Variants in HLCS observed in about 807,000 individuals in gnomAD.
The protein encoded by HLCS is biotin--protein ligase.
A neutral mutation model predicts 75.0 loss-of-function variants in HLCS; 53 were observed. The observed-to-expected ratio is 0.71, with a 90% confidence interval of 0.57 to 0.89. The LOEUF (loss-of-function observed/expected upper bound fraction) is 0.89, where lower values mean the gene tolerates loss of function less well. HLCS is among the 40% of genes least tolerant of loss of function. The probability of loss-of-function intolerance (pLI) is 0.00; values close to 1 mark genes in which losing one functional copy is unlikely to be tolerated. For synonymous variants in HLCS, 431 were observed against 428.6 expected (o/e 1.01, Z -0.07); for missense variants, 966 against 1,074.0 (o/e 0.90, Z 1.41).
chr21:36,982,171 C>T (rs2069135397), intron 1 of HLCS, among the ~76,000 whole-genome samples: 2 of 152,144 alleles, frequency 1.3e-5, no homozygotes, highest in South Asian at 4.1e-4. Flanking sequence ...TACAATTTCG[C>T]AAAGCTGCAT....
At chr21:36,866,435 G>A (rs2146209659) in intron 6 of HLCS, among the ~76,000 whole-genome samples, 1 of 152,272 alleles carries the variant, frequency 6.6e-6, no homozygotes, top group Non-Finnish European at 1.5e-5. Context: ...TGTACAATGT[G>A]GCGTAAAAGA....
intron 8 of HLCS, 144 bp from the exon 9 acceptor site, chr21:36,759,985 G>T: frequency 1.4e-6 from 1 of 706,900 alleles, no homozygotes. Context: ...TCACTTCTTT[G>T]GGACAATCCG....
chr21:36,919,712 A>G (rs150330912), intron 5 of HLCS, among the ~76,000 whole-genome samples: 1 of 152,370 alleles, frequency 6.6e-6, no homozygotes, highest in Non-Finnish European at 1.5e-5. Flanking sequence ...GATAATTCTT[A>G]AATTAACAGT....
rs372156325 is a variant in HLCS, at chr21:36,787,389, T to C, written c.1893-20104A>G. Among the ~76,000 whole-genome samples, 5 of 152,354 alleles carry C rather than the reference T, an allele frequency of 3.3e-5. No individual in the cohort carries two copies. In the East Asian group the frequency reaches 9.6e-4, roughly 29 times the overall value. ...CAGCCAGGAGGCACAGAAGACCCCA[T>C]GGAGGCACTTGGCTGGTTAAGACCC... On this transcript the variant is annotated intron_variant, in intron 6 of 10. Transcript: ENST00000674895.
Position 36,966,437 on chromosome 21 carries a change from C to CCCCCCCCCCCGGGGTGGGGG in HLCS, c.195+6_195+7insCCCCCACCCCGGGGGGGGGG. 1.1e-6 allele frequency: 1 copy of CCCCCCCCCCCGGGGTGGGGG among 931,938 alleles called. No homozygotes were observed. Among genetic ancestry groups the CCCCCCCCCCCGGGGTGGGGG allele is most frequent in the Non-Finnish European group, 1.3e-6 (1 of 781,732 alleles). The allele number at this position is 931,938 out of a possible 1,614,324, so 57.7% of individuals were successfully genotyped here. ...GCCCGGGTCGCCCGCCCGCCCGACCCGCCCACCTGGCTGTCGCTGACGCAG... is the reference window on the plus strand; with the variant it reads ...GCCCGGGTCGCCCGCCCGCCCGACCCCCCCCCCCCCGGGGTGGGGGGCCCACCTGGCTGTCGCTGACGCAG... On this transcript the variant is annotated splice_region_variant and intron_variant, in intron 1 of 10. Coordinates refer to ENST00000674895, the MANE Select transcript of HLCS (RefSeq NM_001352514.2).
chr21:36,787,733 G>C (rs2060733559), intron 6 of HLCS, among the ~76,000 whole-genome samples: 1 of 152,170 alleles, frequency 6.6e-6, no homozygotes, highest in Non-Finnish European at 1.5e-5. Context: ...TACAGAAAGA[G>C]AACTCAGCTC....
intron 6 of HLCS, among the ~76,000 whole-genome samples, chr21:36,780,773 C>T (rs910918595): frequency 2.2e-4 from 33 of 152,218 alleles, no homozygotes; most frequent in Admixed American, 9.2e-4. Flanking sequence ...CACACAGCCG[C>T]GCAGAGATAC....
Position 36,937,305 on chromosome 21 carries a change from G to T in HLCS, c.581C>A (p.Pro194His). The T allele has an allele frequency of 6.2e-7, 1 of 1,614,094 alleles. No homozygotes were observed. Among genetic ancestry groups the T allele is most frequent in the South Asian group, 1.1e-5 (1 of 91,086 alleles). Residue 194 changes from proline (P) to histidine (H), a missense_variant, in exon 4 of 11, where the codon CCT becomes CAT. Physicochemically the swap from Pro to His is moderately conservative, Grantham distance 77. Coordinates refer to ENST00000674895, the MANE Select transcript of HLCS (RefSeq NM_001352514.2). ...QAQILEPKPE[P>H]SLEIKPEQDG... is the part of the protein sequence containing the mutation. ...CTGCTCAGGCTTAATCTCAAGAGAA[G>T]GTTCAGGCTTCGGCTCTAGGATCTG...
intron 6 of HLCS, among the ~76,000 whole-genome samples, chr21:36,886,788 C>T (rs1049703849): frequency 3.3e-5 from 5 of 152,078 alleles, no homozygotes; most frequent in Non-Finnish European, 7.3e-5. Context: ...ATCTGAGGAC[C>T]GTTGAGAGCT....
At chr21:36,832,463 T>C (rs1244962749) in intron 6 of HLCS, among the ~76,000 whole-genome samples, 1 of 152,138 alleles carries the variant, frequency 6.6e-6, no homozygotes, top group Non-Finnish European at 1.5e-5. Flanking sequence ...AACAGTAAAG[T>C]ACAAGAGGGC....
intron 6 of HLCS, among the ~76,000 whole-genome samples, chr21:36,774,689 A>G (rs999854771): frequency 6.6e-6 from 1 of 152,210 alleles, no homozygotes; most frequent in Non-Finnish European, 1.5e-5. Context: ...ACTTCTACCT[A>G]CACACACTAA....
intron 5 of HLCS, among the ~76,000 whole-genome samples, chr21:36,927,195 C>A (rs537736868): frequency 1.3e-5 from 2 of 152,364 alleles, no homozygotes; most frequent in Admixed American, 6.5e-5. Flanking sequence ...TCGGAGGAAG[C>A]CCAGCTCAGC....
intron 6 of HLCS, among the ~76,000 whole-genome samples, chr21:36,890,715 A>G (rs8129140): frequency 0.48 from 72,872 of 151,880 alleles, 19,446 homozygotes; most frequent in African/African-American, 0.72. Context: ...AAAATACCAC[A>G]CCCTCAAAAA....
intron 1 of HLCS, among the ~76,000 whole-genome samples, chr21:36,983,849 ATT>A (rs879339277): frequency 6.7e-6 from 1 of 148,426 alleles, no homozygotes. Context: ...AAAAAAAAAA[ATT>A]TTTTTTTTTT....
At chr21:36,817,277 TTGCTC>T (rs1482778404) in intron 6 of HLCS, among the ~76,000 whole-genome samples, 2 of 152,224 alleles carry the variant, frequency 1.3e-5, no homozygotes, top group African/African-American at 4.8e-5. Flanking sequence ...ATTTACGTCT[TTGCTC>T]AGTCTGGATT....
chr21:36,866,857 T>A (rs9981513), intron 6 of HLCS, among the ~76,000 whole-genome samples: 59,383 of 149,694 alleles, frequency 0.4, 12,881 homozygotes, highest in Admixed American at 0.53. Flanking sequence ...TTTTTTTTTT[T>A]AAAGGTTCTG....
intron 3 of HLCS, among the ~76,000 whole-genome samples, chr21:36,937,732 T>C (rs936411959): frequency 3.9e-5 from 6 of 152,134 alleles, no homozygotes; most frequent in African/African-American, 1.4e-4. Context: ...TGGGTGTTAT[T>C]CTCCTTCACA....
rs541361094 is a variant in HLCS, at chr21:36,936,420, G to T, written c.1437+29C>A. On this transcript the variant is annotated intron_variant, in intron 4 of 10. Coordinates refer to ENST00000674895, the MANE Select transcript of HLCS (RefSeq NM_001352514.2). The stretch of plus-strand genomic sequence containing the variant: ...GCAAAAATACCCACAGATACCCAAA[G>T]ATCACCAAATCCATGCTGCCCTGAG... 57 of 1,581,080 alleles carry T rather than the reference G, an allele frequency of 3.6e-5. 1 individual carries two copies. In the South Asian group the frequency reaches 5.7e-4, roughly 16 times the overall value.
chr21:36,947,544 T>A (rs1004771513), intron 2 of HLCS: 1 of 985,194 alleles, frequency 1.0e-6, no homozygotes, highest in Non-Finnish European at 1.2e-6. Flanking sequence ...AGAAGGGAAG[T>A]CAAGCAAAAG....
Sources: allele counts gnomAD v4.1 joint callset (sites outside exome capture counted in the v4.1 genomes callset), GRCh38; gene constraint gnomAD v4.1.1; transcripts MANE v1.5; gene names NCBI Gene and HGNC (gene_info 2026-07-23, HGNC 2026-07-21).